The following PTGFR variants were observed in gnomAD, a reference collection of about 807,000 sequenced individuals.
PTGFR encodes the protein prostaglandin F2-alpha receptor.
In PTGFR, 15 loss-of-function variants were observed where a neutral mutation model predicts 26.2. That is an observed-to-expected ratio of 0.57 (90% CI 0.38 to 0.88). The LOEUF (loss-of-function observed/expected upper bound fraction) is 0.88. Among genes scored for constraint, PTGFR ranks in the 40% least tolerant of loss-of-function variants. The probability of loss-of-function intolerance (pLI) is 0.00; values close to 1 mark genes in which losing one functional copy is unlikely to be tolerated. For missense variants in PTGFR, 369 were observed against 427.2 expected (o/e 0.86, Z 1.20); for synonymous variants, 165 against 151.1 (o/e 1.09, Z -0.68).
At position 78,527,826 on chromosome 1, in the gene PTGFR, C is replaced by A. The variant is rs371743452; in HGVS notation, c.799-8580C>A. ...ATCCTAACATTTCTTCTCATTAATT[C>A]CTTCACTTGGTATTTACTGAATGCC... On this transcript the variant is annotated intron_variant, in intron 2 of 2. Transcript: ENST00000370757. Among the ~76,000 whole-genome samples, 3 of 152,204 alleles carry A rather than the reference C, an allele frequency of 2.0e-5. No individual in the cohort carries two copies. The East Asian group carries it at 5.8e-4, about 29-fold the overall frequency.
intron 2 of PTGFR, among the ~76,000 whole-genome samples, chr1:78,533,781 A>G (rs962226435): frequency 5.9e-5 from 9 of 152,212 alleles, no homozygotes; most frequent in African/African-American, 1.9e-4. Flanking sequence ...ATAAAACCTT[A>G]GCAAACATGG....
Position 78,534,545 on chromosome 1 carries a change from A to G in PTGFR, c.799-1861A>G, listed in dbSNP as rs534967757. On this transcript the variant is annotated intron_variant, in intron 2 of 2. Transcript: ENST00000370757. ...TTAGGGGAAAAAACATAATTTATAAAAGCAATGCATGATCGATCTAAAAAA... is the reference window on the plus strand; with the variant it reads ...TTAGGGGAAAAAACATAATTTATAAGAGCAATGCATGATCGATCTAAAAAA... 2.0e-5 allele frequency among the ~76,000 whole-genome samples: 3 copies of G among 152,320 alleles called. No individual in the cohort carries two copies. The East Asian group carries it at 5.8e-4, about 29-fold the overall frequency.
intron 2 of PTGFR, among the ~76,000 whole-genome samples, chr1:78,522,215 A>G (rs1035268129): frequency 1.3e-5 from 2 of 151,986 alleles, no homozygotes; most frequent in African/African-American, 4.8e-5. Flanking sequence ...CACAAACCAG[A>G]AAATGTGCAG....
intron 2 of PTGFR, among the ~76,000 whole-genome samples, chr1:78,526,362 C>CA (rs1650373226): frequency 1.3e-5 from 2 of 152,038 alleles, no homozygotes; most frequent in Admixed American, 1.3e-4. Context: ...TCCTGCTAAA[C>CA]ATGTTCTAGT....
chr1:78,493,338 A>G lies in PTGFR; in HGVS notation c.595A>G (p.Arg199Gly), dbSNP rs547608444. ...NTEDIKDWED[R>G]FYLLLFSFLG... is the part of the protein sequence containing the mutation. ...AGAAGACATCAAAGACTGGGAAGATAGATTTTATCTTCTACTTTTTTCTTT... is the reference window on the plus strand; with the variant it reads ...AGAAGACATCAAAGACTGGGAAGATGGATTTTATCTTCTACTTTTTTCTTT... The change falls in exon 2 of 3, where the codon AGA becomes GGA. Residue 199 changes from arginine (R) to glycine (G), a missense_variant. Physicochemically the swap from Arg to Gly is moderately radical, Grantham distance 125. Coordinates refer to ENST00000370757, the MANE Select transcript of PTGFR (RefSeq NM_000959.4). The G allele has an allele frequency of 6.2e-7, 1 of 1,614,152 alleles. No individual in the cohort carries two copies.
chr1:78,505,678 A>G (rs1649813017), intron 2 of PTGFR, among the ~76,000 whole-genome samples: 1 of 152,082 alleles, frequency 6.6e-6, no homozygotes, highest in Non-Finnish European at 1.5e-5. Context: ...AAAACCCTAT[A>G]TCCATCAGGA....
At chr1:78,498,760 C>G (rs1474421592) in intron 2 of PTGFR, among the ~76,000 whole-genome samples, 1 of 152,098 alleles carries the variant, frequency 6.6e-6, no homozygotes. Context: ...TATATTAGAT[C>G]TTGGAATATA....
At chr1:78,533,353 TTAA>T (rs1297929717) in intron 2 of PTGFR, among the ~76,000 whole-genome samples, 2 of 152,194 alleles carry the variant, frequency 1.3e-5, no homozygotes, top group African/African-American at 4.8e-5. Flanking sequence ...TCTCACATAC[TTAA>T]TAACATCCCT....
At chr1:78,505,731 T>C (rs990979958) in intron 2 of PTGFR, among the ~76,000 whole-genome samples, 1 of 152,138 alleles carries the variant, frequency 6.6e-6, no homozygotes, top group Non-Finnish European at 1.5e-5. Flanking sequence ...CACTAATTTC[T>C]CTCTTTCTGG....
chr1:78,520,280 T>G (rs531729704), intron 2 of PTGFR, among the ~76,000 whole-genome samples: 1 of 152,288 alleles, frequency 6.6e-6, no homozygotes, highest in African/African-American at 2.4e-5. Context: ...CATATATATT[T>G]ATCTCCTCAT....
chr1:78,534,623 G>A (rs901720471), intron 2 of PTGFR, among the ~76,000 whole-genome samples: 1 of 152,074 alleles, frequency 6.6e-6, no homozygotes, highest in Non-Finnish European at 1.5e-5. Flanking sequence ...CTGTAGTTCT[G>A]CTCTCTAGAG....
At chr1:78,495,557 C>T (rs1649527561) in intron 2 of PTGFR, among the ~76,000 whole-genome samples, 2 of 152,124 alleles carry the variant, frequency 1.3e-5, no homozygotes, top group Admixed American at 6.5e-5. Context: ...CTGGAGAATA[C>T]CTCAAAACAG....
chr1:78,493,713 C>T (rs185338577), intron 2 of PTGFR, among the ~76,000 whole-genome samples, 172 bp downstream of exon 2: 1 of 152,298 alleles, frequency 6.6e-6, no homozygotes, highest in East Asian at 1.9e-4. Flanking sequence ...GTTACTTTCC[C>T]ACAAGCCCTG....
At chr1:78,501,733 A>G (rs1649711040) in intron 2 of PTGFR, among the ~76,000 whole-genome samples, 1 of 152,170 alleles carries the variant, frequency 6.6e-6, no homozygotes, top group South Asian at 2.1e-4. Context: ...GTAGTTATTC[A>G]GAGTATAGGC....
At chr1:78,494,131 T>C (rs1649486375) in intron 2 of PTGFR, among the ~76,000 whole-genome samples, 1 of 152,280 alleles carries the variant, frequency 6.6e-6, no homozygotes, top group Non-Finnish European at 1.5e-5. Flanking sequence ...TCCTCCCTTT[T>C]TGTTTCATTC....
Position 78,537,907 on chromosome 1 carries a change from T to G in PTGFR, c.*1220T>G, listed in dbSNP as rs1650697502. ...TTTGTGTAATTCAACCAAAAGAATT[T>G]CAATACCCATTCAAATTGTCCTAGG... On this transcript the variant is annotated 3_prime_UTR_variant, in exon 3 of 3. Transcript: ENST00000370757. The G allele has an allele frequency of 6.6e-6, 1 of 152,142 alleles. No homozygotes were observed. Among genetic ancestry groups the G allele is most frequent in the African/African-American group, 2.4e-5 (1 of 41,458 alleles). 9.4% of individuals were successfully genotyped at this position (152,142 alleles called of 1,614,324 possible).
At chr1:78,536,290 C>T in intron 2 of PTGFR, 116 bp from the exon 3 acceptor site, 1 of 978,544 alleles carries the variant, frequency 1.0e-6, no homozygotes, top group Non-Finnish European at 1.5e-6. Context: ...GTATTTTAAA[C>T]AATAGCATCA....
intron 2 of PTGFR, among the ~76,000 whole-genome samples, chr1:78,503,773 T>G (rs1486432276): frequency 6.6e-6 from 1 of 152,212 alleles, no homozygotes; most frequent in Non-Finnish European, 1.5e-5. Context: ...AGGTAATGGC[T>G]TAGTAATACT....
chr1:78,534,638 C>G (rs1170604358), intron 2 of PTGFR, among the ~76,000 whole-genome samples: 1 of 151,848 alleles, frequency 6.6e-6, no homozygotes, highest in Non-Finnish European at 1.5e-5. Context: ...CTAGAGTTAA[C>G]CAACGAAAAC....
Sources: allele counts gnomAD v4.1 joint callset (sites outside exome capture counted in the v4.1 genomes callset), GRCh38; gene constraint gnomAD v4.1.1; transcripts MANE v1.5; gene names NCBI Gene and HGNC (gene_info 2026-07-23, HGNC 2026-07-21).